ZDHHC2: variants seen among roughly 807,000 people sequenced by gnomAD.
ZDHHC2 encodes palmitoyltransferase ZDHHC2.
Under a neutral mutation model 55.6 loss-of-function variants are expected in ZDHHC2, and 51 were observed. The observed-to-expected ratio is 0.92, with a 90% CI of 0.73 to 1.16. ZDHHC2 has a LOEUF of 1.16. Ranked by LOEUF, ZDHHC2 falls within the 50% of genes most tolerant of loss-of-function variation. The probability of loss-of-function intolerance (pLI) is 0.00; values close to 1 mark genes in which losing one functional copy is unlikely to be tolerated. For missense variants in ZDHHC2, 491 were observed against 442.4 expected (o/e 1.11, Z -0.99); for synonymous variants, 199 against 152.9 (o/e 1.30, Z -2.22).
intron 11 of ZDHHC2, among the ~76,000 whole-genome samples, chr8:17,216,404 G>A (rs1013942308): frequency 2.0e-5 from 3 of 151,962 alleles, no homozygotes; most frequent in African/African-American, 7.3e-5. Context: ...CCTCCCAGAG[G>A]GTCCCATTAT....
At chr8:17,186,239 G>T in intron 2 of ZDHHC2, 92 bp from the exon 3 acceptor site, 2 of 776,050 alleles carry the variant, frequency 2.6e-6, no homozygotes, top group South Asian at 1.8e-5. Flanking sequence ...TTGGTAATTT[G>T]GTTATTTTAA....
chr8:17,177,323 A>G (rs11779538), intron 1 of ZDHHC2, among the ~76,000 whole-genome samples: 2,944 of 152,256 alleles, frequency 0.019, 50 homozygotes, highest in Non-Finnish European at 0.031. Flanking sequence ...GTGATTTTGG[A>G]TGATTGTTAA....
At chr8:17,161,107 C>T (rs1390471996) in intron 1 of ZDHHC2, among the ~76,000 whole-genome samples, 1 of 152,084 alleles carries the variant, frequency 6.6e-6, no homozygotes, top group African/African-American at 2.4e-5. Context: ...AACAAACATC[C>T]CTAAGAACAA....
At chr8:17,174,481 A>G (rs1805026671) in intron 1 of ZDHHC2, among the ~76,000 whole-genome samples, 1 of 152,002 alleles carries the variant, frequency 6.6e-6, no homozygotes, top group African/African-American at 2.4e-5. Flanking sequence ...TGGAAGGGAG[A>G]TATGTTTGGA....
intron 6 of ZDHHC2, among the ~76,000 whole-genome samples, chr8:17,198,699 C>T (rs1270758094): frequency 2.0e-5 from 3 of 152,108 alleles, no homozygotes; most frequent in African/African-American, 7.2e-5. Context: ...ACAGAGATTC[C>T]AGAATACTTC....
chr8:17,214,718 G>A (rs1807560717), intron 10 of ZDHHC2, among the ~76,000 whole-genome samples: 1 of 152,088 alleles, frequency 6.6e-6, no homozygotes, highest in South Asian at 2.1e-4. Context: ...TGATCAGGCT[G>A]GGCAACATAG....
At chr8:17,196,933 A>G (rs1181532642) in intron 4 of ZDHHC2, among the ~76,000 whole-genome samples, 1 of 151,992 alleles carries the variant, frequency 6.6e-6, no homozygotes, top group Non-Finnish European at 1.5e-5. Context: ...AGAGGTTTTT[A>G]TATTACTTAT....
chr8:17,215,291 TCTTACTGA>T lies in ZDHHC2; in HGVS notation c.1006_1013del (p.Leu336PhefsTer28), dbSNP rs749538098. ...CATTGAGAGAGTCCCAGAGCCACCT[TCTTACTGA>T]TTCTCAGTCTTGGACGGAGAGCAGC... On this transcript the variant is annotated frameshift_variant, in exon 11 of 13. Coordinates refer to ENST00000262096, the MANE Select transcript of ZDHHC2 (RefSeq NM_016353.5). LOFTEE classifies it high-confidence loss of function. 59 of 1,601,568 alleles carry T rather than the reference TCTTACTGA, an allele frequency of 3.7e-5. No individual in the cohort carries two copies.
intron 3 of ZDHHC2, among the ~76,000 whole-genome samples, chr8:17,193,043 A>G (rs1006482661): frequency 2.6e-5 from 4 of 152,274 alleles, no homozygotes; most frequent in Non-Finnish European, 4.4e-5. Context: ...GTACCGTGCT[A>G]TTTAGGTTAC....
intron 1 of ZDHHC2, among the ~76,000 whole-genome samples, chr8:17,157,819 G>A (rs1225312211): frequency 6.6e-6 from 1 of 152,186 alleles, no homozygotes; most frequent in South Asian, 2.1e-4. Flanking sequence ...GCCCTACCAA[G>A]TGCTAGCTTT....
At chr8:17,190,335 G>A (rs955390654) in intron 3 of ZDHHC2, among the ~76,000 whole-genome samples, 5 of 151,942 alleles carry the variant, frequency 3.3e-5, no homozygotes, top group Admixed American at 1.3e-4. Flanking sequence ...AATTTTTTAC[G>A]GTTAGGGGAA....
At chr8:17,183,119 C>T (rs1805520997) in intron 1 of ZDHHC2, among the ~76,000 whole-genome samples, 2 of 152,150 alleles carry the variant, frequency 1.3e-5, no homozygotes, top group African/African-American at 2.4e-5. Context: ...TCTCTCCACT[C>T]GAGTCAGTGG....
intron 5 of ZDHHC2, 82 bp from the exon 6 acceptor site, chr8:17,198,299 T>G: frequency 7.5e-7 from 1 of 1,325,380 alleles, no homozygotes; most frequent in African/African-American, 1.5e-5. Context: ...CTGTTTGAAC[T>G]AACCATAATT....
chr8:17,206,026 C>G (rs144371164), intron 7 of ZDHHC2, among the ~76,000 whole-genome samples: 166 of 152,248 alleles, frequency 1.1e-3, no homozygotes, highest in Non-Finnish European at 2.1e-3. Flanking sequence ...GCCCCCATGC[C>G]CATTCCCAGT....
intron 6 of ZDHHC2, among the ~76,000 whole-genome samples, chr8:17,202,188 T>A (rs979459409): frequency 6.6e-6 from 1 of 152,240 alleles, no homozygotes; most frequent in Admixed American, 6.5e-5. Context: ...TAATCTGTAA[T>A]ACTTTTAACA....
intron 4 of ZDHHC2, among the ~76,000 whole-genome samples, chr8:17,196,215 G>A (rs768784359): frequency 2.6e-5 from 4 of 152,016 alleles, no homozygotes; most frequent in Non-Finnish European, 5.9e-5. Context: ...GACTAGTGAT[G>A]CTTACCCACC....
rs1585658345 is a variant in ZDHHC2 at position 17,173,631 on chromosome 8, G to A, written c.131-11158G>A. Among the ~76,000 whole-genome samples the A allele has an allele frequency of 2.0e-5, 3 of 151,150 alleles. 1 individual carries two copies. In the Admixed American group the frequency reaches 2.0e-4, roughly 10 times the overall value. On this transcript the variant is annotated intron_variant, in intron 1 of 12. Coordinates refer to ENST00000262096, the MANE Select transcript of ZDHHC2 (RefSeq NM_016353.5). ...CTGGGTGGTCGAGGCAGCATGAGCC[G>A]TGATTGCACCACTGCATTCCAGCTT...
At chr8:17,213,279 A>G (rs570056325) in intron 10 of ZDHHC2, among the ~76,000 whole-genome samples, 44 of 150,544 alleles carry the variant, frequency 2.9e-4, no homozygotes, top group Non-Finnish European at 6.0e-4. Flanking sequence ...TTTTTGAGAC[A>G]GTCTCATTCT....
intron 10 of ZDHHC2, 106 bp downstream of exon 10, chr8:17,210,586 T>G (rs1807330134): frequency 3.3e-6 from 3 of 895,898 alleles, no homozygotes; most frequent in South Asian, 2.0e-5. Flanking sequence ...ATAAGAAAAT[T>G]TACTGCAATG....
Sources: gnomAD v4.1 joint callset for allele counts (sites outside exome capture counted in the v4.1 genomes callset) on GRCh38, gnomAD v4.1.1 for gene constraint, MANE v1.5 for transcripts, NCBI Gene and HGNC (gene_info 2026-07-23, HGNC 2026-07-21) for gene names.